The following CRISPLD2 variants were observed in gnomAD, a reference collection of about 807,000 sequenced individuals.
CRISPLD2 encodes cysteine rich secretory protein LCCL domain containing 2.
CRISPLD2 carries 47 observed loss-of-function variants against 71.1 expected under a neutral mutation model. That is an observed-to-expected ratio of 0.66 (90% CI 0.52 to 0.84). CRISPLD2 has a LOEUF of 0.84. CRISPLD2 is among the 40% of genes least tolerant of loss of function. The pLI, the probability that CRISPLD2 is intolerant of heterozygous loss-of-function variation, is 0.00. For missense variants in CRISPLD2, 830 were observed against 651.1 expected, an observed-to-expected ratio of 1.27 and a Z score of -2.99; for synonymous variants, 317 against 250.1, an observed-to-expected ratio of 1.27 and a Z score of -2.52.
intron 6 of CRISPLD2, among the ~76,000 whole-genome samples, 163 bp from the exon 7 acceptor site, chr16:84,866,734 G>A (rs1917548149): frequency 6.6e-6 from 1 of 152,184 alleles, no homozygotes. Flanking sequence ...ATTCCACCTG[G>A]CCAGGTCTGT....
chr16:84,888,054 C>T (rs1487983805), intron 13 of CRISPLD2, among the ~76,000 whole-genome samples: 1 of 152,134 alleles, frequency 6.6e-6, no homozygotes, highest in Non-Finnish European at 1.5e-5. Flanking sequence ...TTAAAGAAAC[C>T]CAGGTTTATT....
At chr16:84,830,409 C>G (rs1182153358) in intron 1 of CRISPLD2, among the ~76,000 whole-genome samples, 1 of 152,090 alleles carries the variant, frequency 6.6e-6, no homozygotes, top group African/African-American at 2.4e-5. Context: ...TAAAAACTTA[C>G]AGTTAAGTTA....
intron 12 of CRISPLD2, among the ~76,000 whole-genome samples, chr16:84,878,785 C>G (rs2071543314): frequency 6.6e-6 from 1 of 152,258 alleles, no homozygotes; most frequent in Admixed American, 6.5e-5. Flanking sequence ...GACGTCCCCA[C>G]TTTATAGATG....
In CRISPLD2 at chr16:84,877,442, G is replaced by A. The variant is rs2071529491; in HGVS notation, c.1161G>A (p.Gln387=). The change falls in exon 12 of 15, where the codon CAG becomes CAA. Residue 387 remains glutamine (Q), a synonymous_variant. Coordinates refer to ENST00000262424, the MANE Select transcript of CRISPLD2 (RefSeq NM_031476.4). ...SSFMVSKVKV[Q]DLDCYTTVAQ... is the part of the protein sequence containing the mutation. Reference sequence around the variant, plus strand: ...CCCCCTTGCTCCTGTTCACAGTGCAGGATTTGGACTGCTACACGACCGTTG... The same window carrying A: ...CCCCCTTGCTCCTGTTCACAGTGCAAGATTTGGACTGCTACACGACCGTTG... 1 of 1,613,786 alleles carries A rather than the reference G, an allele frequency of 6.2e-7. No homozygotes were observed. The highest frequency in any genetic ancestry group is 8.5e-7 in the Non-Finnish European group (1 of 1,179,780).
At chr16:84,852,699 C>T (rs1917123333) in intron 5 of CRISPLD2, among the ~76,000 whole-genome samples, 3 of 151,594 alleles carry the variant, frequency 2.0e-5, no homozygotes, top group Middle Eastern at 3.4e-3. Flanking sequence ...GGATTCCCAA[C>T]CCGACAAGGG....
At chr16:84,898,755 C>T (rs1255574964) in intron 14 of CRISPLD2, among the ~76,000 whole-genome samples, 9 of 152,238 alleles carry the variant, frequency 5.9e-5, no homozygotes, top group African/African-American at 1.9e-4. Context: ...ATAGCAGGTG[C>T]TCAGTAAACA....
At chr16:84,885,601 G>C (rs1049604765) in intron 13 of CRISPLD2, among the ~76,000 whole-genome samples, 3 of 152,142 alleles carry the variant, frequency 2.0e-5, no homozygotes, top group African/African-American at 7.2e-5. Flanking sequence ...GCCCTCATCC[G>C]TTTAGTTTAT....
chr16:84,821,303 G>T (rs1916225641), intron 1 of CRISPLD2, among the ~76,000 whole-genome samples: 1 of 152,186 alleles, frequency 6.6e-6, no homozygotes, highest in African/African-American at 2.4e-5. Flanking sequence ...TCCTTGGGTT[G>T]TATGCACCTG....
At chr16:84,869,380 G>C (rs2071446089) in intron 8 of CRISPLD2, among the ~76,000 whole-genome samples, 1 of 152,216 alleles carries the variant, frequency 6.6e-6, no homozygotes, top group Admixed American at 6.5e-5. Context: ...AGGGGACCTT[G>C]CTCGTCTTCC....
chr16:84,834,783 A>G (rs141356645), intron 1 of CRISPLD2, among the ~76,000 whole-genome samples: 1,834 of 152,036 alleles, frequency 0.012, 15 homozygotes, highest in Non-Finnish European at 0.02. Flanking sequence ...TGGCTGGCAG[A>G]CGGCGTCTTC....
intron 6 of CRISPLD2, among the ~76,000 whole-genome samples, chr16:84,859,518 T>A (rs562790826): frequency 6.6e-6 from 1 of 152,178 alleles, no homozygotes; most frequent in Non-Finnish European, 1.5e-5. Flanking sequence ...GTGGGGTCCT[T>A]CCTCAAGGGG....
rs1917190884 is a variant in CRISPLD2, at chr16:84,854,804, C to T, written c.684C>T (p.Ser228=). The change falls in exon 6 of 15, where the codon AGC becomes AGT. Residue 228 remains serine (S), a synonymous_variant. Coordinates refer to ENST00000262424, the MANE Select transcript of CRISPLD2 (RefSeq NM_031476.4). ...CSECPPSYGG[S]CRNNLCYREE... ...AGTGCCCACCCAGCTATGGAGGCAG[C>T]TGCAGGAACAACTTGTGTTACCGAG... The T allele has an allele frequency of 6.2e-7, 1 of 1,614,052 alleles. No individual in the cohort carries two copies. Among genetic ancestry groups the T allele is most frequent in the Non-Finnish European group, 8.5e-7 (1 of 1,179,918 alleles).
intron 1 of CRISPLD2, among the ~76,000 whole-genome samples, chr16:84,835,489 C>T (rs922891263): frequency 1.3e-5 from 2 of 152,256 alleles, no homozygotes; most frequent in East Asian, 1.9e-4. Flanking sequence ...AGCAGGGACC[C>T]TCCGACCCAC....
intron 11 of CRISPLD2, among the ~76,000 whole-genome samples, chr16:84,876,836 A>C (rs2071523078): frequency 6.6e-6 from 1 of 152,182 alleles, no homozygotes; most frequent in African/African-American, 2.4e-5. Flanking sequence ...CCCTGAACTA[A>C]ATAAAGACAT....
intron 13 of CRISPLD2, among the ~76,000 whole-genome samples, chr16:84,885,590 C>G (rs990107925): frequency 2.0e-5 from 3 of 152,176 alleles, no homozygotes; most frequent in Non-Finnish European, 1.5e-5. Flanking sequence ...TAAGGAACCC[C>G]GCCCTCATCC....
intron 3 of CRISPLD2, among the ~76,000 whole-genome samples, chr16:84,847,425 G>A (rs1412366548): frequency 6.6e-6 from 1 of 152,180 alleles, no homozygotes; most frequent in Non-Finnish European, 1.5e-5. Context: ...GCCAAGGTGG[G>A]CAGAATACAA....
intron 6 of CRISPLD2, among the ~76,000 whole-genome samples, chr16:84,856,651 G>A (rs1279862639): frequency 2.6e-5 from 4 of 152,150 alleles, no homozygotes; most frequent in Non-Finnish European, 5.9e-5. Flanking sequence ...CATATTGGAT[G>A]CTGATTGAGG....
intron 1 of CRISPLD2, among the ~76,000 whole-genome samples, chr16:84,826,772 C>T (rs756240112): frequency 6.6e-6 from 1 of 152,266 alleles, no homozygotes; most frequent in South Asian, 2.1e-4. Context: ...GGGGGAGGCC[C>T]CACCGCCAGC....
chr16:84,903,942 G>A (rs1402492885), intron 14 of CRISPLD2, among the ~76,000 whole-genome samples: 2 of 152,212 alleles, frequency 1.3e-5, no homozygotes, highest in Admixed American at 6.5e-5. Flanking sequence ...CTGGGGTGGG[G>A]CTGTGCCATC....
Sources: gnomAD v4.1 joint callset for allele counts (sites outside exome capture counted in the v4.1 genomes callset) on GRCh38, gnomAD v4.1.1 for gene constraint, MANE v1.5 for transcripts, NCBI Gene and HGNC (gene_info 2026-07-23, HGNC 2026-07-21) for gene names.